GIN1: variants seen among roughly 807,000 people sequenced by gnomAD.
GIN1 encodes the protein gypsy retrotransposon integrase 1.
In GIN1, 41 loss-of-function variants were observed where a neutral mutation model predicts 51.4. That is an observed-to-expected ratio of 0.80 (90% CI 0.62 to 1.04). The LOEUF is 1.04. GIN1 is among the 50% of genes least tolerant of loss of function. The pLI, the probability that GIN1 is intolerant of heterozygous loss-of-function variation, is 0.00. For synonymous variants in GIN1, 222 were observed against 206.5 expected (o/e 1.07, Z -0.64); for missense variants, 610 against 612.4 (o/e 1.00, Z 0.04).
In GIN1 at chr5:103,087,866, A is replaced by C. The variant is rs1554194059; in HGVS notation, c.*32T>G. 1.1e-6 allele frequency: 1 copy of C among 929,492 alleles called. No homozygotes were observed. Among genetic ancestry groups the C allele is most frequent in the African/African-American group, 1.7e-5 (1 of 59,892 alleles). The allele number at this position is 929,492 out of a possible 1,614,324, so 57.6% of individuals were successfully genotyped here. A position where few individuals can be genotyped will look rare whatever the true frequency, so the allele number is the denominator to read the frequency against. On this transcript the variant is annotated 3_prime_UTR_variant, in exon 8 of 8. Transcript: ENST00000399004. ...AGATATCATTAAGAATTTATATTCT[A>C]AACAAACAATTTAAATAAATTTTGG...
At chr5:103,117,285 C>T (rs1788058442) in intron 1 of GIN1, among the ~76,000 whole-genome samples, 1 of 151,938 alleles carries the variant, frequency 6.6e-6, no homozygotes, top group African/African-American at 2.4e-5. Flanking sequence ...AAGCCAGACA[C>T]AAATGGCTAT....
intron 1 of GIN1, among the ~76,000 whole-genome samples, chr5:103,110,784 A>C (rs2151475279): frequency 6.6e-6 from 1 of 152,362 alleles, no homozygotes; most frequent in Non-Finnish European, 1.5e-5. Flanking sequence ...AAATGTTCAT[A>C]GATATTTTAT....
At chr5:103,109,494 T>C (rs1456895984) in intron 1 of GIN1, among the ~76,000 whole-genome samples, 1 of 152,156 alleles carries the variant, frequency 6.6e-6, no homozygotes, top group African/African-American at 2.4e-5. Flanking sequence ...ACTTTCCCTA[T>C]GACACAGCTC....
chr5:103,101,668 A>G (rs1787578516), intron 4 of GIN1, among the ~76,000 whole-genome samples: 2 of 152,226 alleles, frequency 1.3e-5, no homozygotes, highest in Admixed American at 1.3e-4. Flanking sequence ...GATGATATCC[A>G]TACTTTCATT....
chr5:103,108,455 A>C (rs1787785751), intron 2 of GIN1, 114 bp downstream of exon 2: 2 of 679,536 alleles, frequency 2.9e-6, no homozygotes, highest in Middle Eastern at 3.0e-4. Flanking sequence ...TCATCAATTC[A>C]ACTGGTAATT....
Position 103,108,729 on chromosome 5 carries a change from T to C in GIN1, c.-7-15A>G. 2 of 1,545,208 alleles carry C rather than the reference T, an allele frequency of 1.3e-6. No individual in the cohort carries two copies. Among genetic ancestry groups the C allele is most frequent in the Non-Finnish European group, 1.8e-6 (2 of 1,132,982 alleles). Reference sequence around the variant, plus strand: ...CCATTGTGAACCTAGGTAAAAGGTATTTAAAAAGATAACTTAAATTTTAAG... The same window carrying C: ...CCATTGTGAACCTAGGTAAAAGGTACTTAAAAAGATAACTTAAATTTTAAG... On this transcript the variant is annotated splice_polypyrimidine_tract_variant and intron_variant, in intron 1 of 7. Coordinates refer to ENST00000399004, the MANE Select transcript of GIN1 (RefSeq NM_017676.2).
chr5:103,095,413 C>T (rs1346952524), intron 7 of GIN1, among the ~76,000 whole-genome samples: 1 of 152,148 alleles, frequency 6.6e-6, no homozygotes, highest in Non-Finnish European at 1.5e-5. Context: ...GTCACCTCTT[C>T]TTACAGCACC....
At chr5:103,109,172 C>G (rs1191726023) in intron 1 of GIN1, among the ~76,000 whole-genome samples, 4 of 151,924 alleles carry the variant, frequency 2.6e-5, no homozygotes, top group African/African-American at 7.2e-5. Flanking sequence ...TTCTTCTTGT[C>G]ACCTCAGCCC....
chr5:103,088,227 T>C, intron 7 of GIN1, 55 bp from the exon 8 acceptor site: 2 of 1,079,558 alleles, frequency 1.9e-6, no homozygotes. Flanking sequence ...AAACATATTT[T>C]TTAATTAAAC....
chr5:103,101,719 A>T (rs533321535), intron 4 of GIN1, among the ~76,000 whole-genome samples: 10 of 152,314 alleles, frequency 6.6e-5, no homozygotes, highest in African/African-American at 2.2e-4. Context: ...AAACATGTGG[A>T]TTCTCACTTT....
At chr5:103,112,412 A>C (rs189244355) in intron 1 of GIN1, among the ~76,000 whole-genome samples, 184 of 152,308 alleles carry the variant, frequency 1.2e-3, no homozygotes, top group African/African-American at 3.9e-3. Context: ...CAAATGATTT[A>C]CTTGACAGAG....
At chr5:103,094,521 A>G (rs1554194823) in intron 7 of GIN1, among the ~76,000 whole-genome samples, 1 of 152,212 alleles carries the variant, frequency 6.6e-6, no homozygotes, top group Non-Finnish European at 1.5e-5. Context: ...TCTCAAACAG[A>G]GAAGATGAGT....
intron 7 of GIN1, among the ~76,000 whole-genome samples, chr5:103,090,818 C>A (rs1787216438): frequency 6.6e-6 from 1 of 152,062 alleles, no homozygotes; most frequent in East Asian, 1.9e-4. Flanking sequence ...CTCCTAGTTA[C>A]ACTGGTTAGA....
At chr5:103,113,838 T>C (rs1787951359) in intron 1 of GIN1, among the ~76,000 whole-genome samples, 1 of 152,166 alleles carries the variant, frequency 6.6e-6, no homozygotes, top group Non-Finnish European at 1.5e-5. Context: ...TCCAACCTCT[T>C]AATACCATCA....
At chr5:103,113,423 G>A (rs1787938939) in intron 1 of GIN1, among the ~76,000 whole-genome samples, 1 of 152,044 alleles carries the variant, frequency 6.6e-6, no homozygotes, top group South Asian at 2.1e-4. Context: ...ATGAGGGAAG[G>A]GGAAAGGGGT....
intron 3 of GIN1, among the ~76,000 whole-genome samples, chr5:103,105,965 C>T (rs1787712127): frequency 6.6e-6 from 1 of 152,084 alleles, no homozygotes; most frequent in African/African-American, 2.4e-5. Context: ...TGAATAGACC[C>T]ACAAACTGAT....
At chr5:103,089,164 TG>T (rs1787165799) in intron 7 of GIN1, among the ~76,000 whole-genome samples, 1 of 152,224 alleles carries the variant, frequency 6.6e-6, no homozygotes, top group Admixed American at 6.5e-5. Context: ...GGAGTCTTCC[TG>T]GTCAGTGTTT....
At position 103,104,664 on chromosome 5, in the gene GIN1, A is replaced by C; in HGVS notation, c.516T>G (p.Ile172Met). The stretch of plus-strand genomic sequence containing the variant: ...AAACATCACATAGAGGCAAAATCAC[A>C]ATCCATTTGGTGAACAAATCTGTCA... ...IIMTDLFTKW[I>M]VILPLCDVSA... is the part of the protein sequence containing the mutation. The change falls in exon 4 of 8, where the codon ATT becomes ATG. Residue 172 changes from isoleucine to methionine, a missense_variant. Transcript: ENST00000399004. 1 of 1,611,556 alleles carries C rather than the reference A, an allele frequency of 6.2e-7. No individual in the cohort carries two copies. The highest frequency in any genetic ancestry group is 1.3e-5 in the African/African-American group (1 of 75,024).
intron 1 of GIN1, among the ~76,000 whole-genome samples, chr5:103,109,389 G>C (rs1787812548): frequency 6.6e-6 from 1 of 152,064 alleles, no homozygotes; most frequent in African/African-American, 2.4e-5. Flanking sequence ...GGAAGATCTA[G>C]GGATGAGACT....
Sources: allele counts gnomAD v4.1 joint callset (sites outside exome capture counted in the v4.1 genomes callset), GRCh38; gene constraint gnomAD v4.1.1; transcripts MANE v1.5; gene names NCBI Gene and HGNC (gene_info 2026-07-23, HGNC 2026-07-21).